The following TMEM132D variants were observed in gnomAD, a reference collection of about 807,000 sequenced individuals.
TMEM132D encodes mature OL transmembrane protein.
A neutral mutation model predicts 62.3 loss-of-function variants in TMEM132D; 21 were observed. The ratio of observed to expected loss-of-function variants is 0.34; its 90% CI spans 0.24 to 0.49. TMEM132D has a LOEUF of 0.49. Among genes scored for constraint, TMEM132D ranks in the 20% least tolerant of loss-of-function variants. The probability of loss-of-function intolerance (pLI) is 0.99; values close to 1 mark genes in which losing one functional copy is unlikely to be tolerated. For missense variants in TMEM132D, 1,346 were observed against 1,402.8 expected, an observed-to-expected ratio of 0.96 and a Z score of 0.65; for synonymous variants, 621 against 575.6, an observed-to-expected ratio of 1.08 and a Z score of -1.13.
rs116087095 is a variant in TMEM132D, at chr12:129,395,539, G to T, written c.1116-57722C>A. ...GCAACGTTTTATCCTAGTGAAAAAG[G>T]GATAACAACAAAAATGTCCAGACAG... On this transcript the variant is annotated intron_variant, in intron 3 of 8. Transcript: ENST00000422113. Among the ~76,000 whole-genome samples, 350 of 151,978 alleles carry T rather than the reference G, an allele frequency of 2.3e-3. 5 individuals carry two copies. The highest frequency in any genetic ancestry group is 8.3e-3 in the African/African-American group (344 of 41,464).
At chr12:129,095,396 C>CTGGAG (rs1875079430) in intron 5 of TMEM132D, among the ~76,000 whole-genome samples, 1 of 130,208 alleles carries the variant, frequency 7.7e-6, no homozygotes, top group African/African-American at 3.0e-5. Context: ...GTCACCCAGG[C>CTGGAG]TGGAGTGGAG....
chr12:129,647,674 T>C (rs778011314), intron 2 of TMEM132D, among the ~76,000 whole-genome samples: 4 of 152,228 alleles, frequency 2.6e-5, no homozygotes, highest in Non-Finnish European at 5.9e-5. Context: ...ACTGGAGACA[T>C]TGAGCATTGT....
chr12:129,473,317 A>C (rs1400847380), intron 3 of TMEM132D, among the ~76,000 whole-genome samples: 24 of 67,744 alleles, frequency 3.5e-4, no homozygotes, highest in African/African-American at 1.0e-3. Flanking sequence ...AAGTGATTTT[A>C]GTTTTTGTTT....
chr12:129,318,657 T>C (rs578187933), intron 4 of TMEM132D, among the ~76,000 whole-genome samples: 239 of 152,186 alleles, frequency 1.6e-3, no homozygotes, highest in African/African-American at 5.3e-3. Flanking sequence ...GGACCAGCAG[T>C]GGGCGGGACC....
At chr12:129,258,120 C>G (rs1406626270) in intron 4 of TMEM132D, among the ~76,000 whole-genome samples, 2 of 152,200 alleles carry the variant, frequency 1.3e-5, no homozygotes, top group African/African-American at 2.4e-5. Context: ...TTATTTGACT[C>G]TAATCCTTTC....
intron 4 of TMEM132D, among the ~76,000 whole-genome samples, chr12:129,317,736 T>G (rs1398812036): frequency 6.6e-6 from 1 of 152,210 alleles, no homozygotes; most frequent in Non-Finnish European, 1.5e-5. Flanking sequence ...CCAAATACGT[T>G]TTCCAAGCTT....
At chr12:129,446,628 G>A (rs10773661) in intron 3 of TMEM132D, among the ~76,000 whole-genome samples, 56,368 of 152,036 alleles carry the variant, frequency 0.37, 10,901 homozygotes, top group East Asian at 0.61. Context: ...CCTACCTCCT[G>A]AGCAGAGATG....
At chr12:129,297,496 C>A (rs1187807985) in intron 4 of TMEM132D, among the ~76,000 whole-genome samples, 1 of 152,252 alleles carries the variant, frequency 6.6e-6, no homozygotes, top group African/African-American at 2.4e-5. Flanking sequence ...GAACCAGGAC[C>A]AGAAAGGGAT....
chr12:129,304,333 C>T (rs894815132), intron 4 of TMEM132D, among the ~76,000 whole-genome samples: 1 of 152,108 alleles, frequency 6.6e-6, no homozygotes, highest in Non-Finnish European at 1.5e-5. Context: ...CTGAACAATC[C>T]CATATCCTAC....
At chr12:129,550,232 G>T (rs535072165) in intron 2 of TMEM132D, among the ~76,000 whole-genome samples, 2 of 33,338 alleles carry the variant, frequency 6.0e-5, no homozygotes, top group Non-Finnish European at 1.1e-4. Context: ...TTCCATACTG[G>T]TATTTTTTTT....
chr12:129,079,130 GCCTT>G (rs1874372370), intron 7 of TMEM132D, among the ~76,000 whole-genome samples: 2 of 151,954 alleles, frequency 1.3e-5, no homozygotes, highest in South Asian at 4.2e-4. Flanking sequence ...TTTTTCAAAA[GCCTT>G]CCTATCACCA....
intron 5 of TMEM132D, among the ~76,000 whole-genome samples, chr12:129,152,739 T>C (rs1456670492): frequency 3.9e-5 from 6 of 152,166 alleles, no homozygotes; most frequent in Admixed American, 3.9e-4. Flanking sequence ...TGCCTGACAT[T>C]GTTGGTCATT....
rs1046437479 is a variant in TMEM132D, at chr12:129,110,381, C to A, written c.1444-25679G>T. 1.4e-4 allele frequency: 21 copies of A among 152,178 alleles called. 1 individual carries two copies. Among genetic ancestry groups the A allele is most frequent in the African/African-American group, 4.1e-4 (17 of 41,440 alleles). 9.4% of individuals were successfully genotyped at this position (152,178 alleles called of 1,614,324 possible). On this transcript the variant is annotated intron_variant, in intron 5 of 8. Transcript: ENST00000422113. ...TTGAGAAAGTTCCCTGTTAGAGATTCATTCCTTTGGACCATGAAGCCTTTT... is the reference window on the plus strand; with the variant it reads ...TTGAGAAAGTTCCCTGTTAGAGATTAATTCCTTTGGACCATGAAGCCTTTT...
intron 3 of TMEM132D, among the ~76,000 whole-genome samples, chr12:129,466,049 T>C (rs1306784072): frequency 6.6e-6 from 1 of 152,170 alleles, no homozygotes; most frequent in Non-Finnish European, 1.5e-5. Context: ...GTAAAGGGTG[T>C]TTGAGACAAT....
At position 129,074,870 on chromosome 12, in the gene TMEM132D, C is replaced by T. The variant is rs760598148; in HGVS notation, c.2305G>A (p.Val769Met). ...ETEGQGTLVKVEMVISESCQK... is the reference protein window; with the variant it reads ...ETEGQGTLVKMEMVISESCQK... ...CAGGATTCACTAATAACCATTTCCACCTTGACCAGGGTGCCTTGTCCTTCT... is the reference window on the plus strand; with the variant it reads ...CAGGATTCACTAATAACCATTTCCATCTTGACCAGGGTGCCTTGTCCTTCT... The change falls in exon 9 of 9, where the codon GTG (valine) becomes ATG (methionine). Residue 769 changes from valine to methionine, a missense_variant. By Grantham distance (21) the Val-to-Met change is conservative. Transcript: ENST00000422113. 1.2e-6 allele frequency: 2 copies of T among 1,614,046 alleles called. No homozygotes were observed. Among genetic ancestry groups the T allele is most frequent in the African/African-American group, 1.3e-5 (1 of 74,990 alleles).
chr12:129,482,945 C>CTGTGTGTGTGTG (rs59346043), intron 3 of TMEM132D, among the ~76,000 whole-genome samples: 1 of 144,182 alleles, frequency 6.9e-6, no homozygotes, highest in Non-Finnish European at 1.5e-5. Context: ...CATATTTAAT[C>CTGTGTGTGTGTG]TGTGTGTGTG....
chr12:129,341,903 C>A (rs1044796657), intron 3 of TMEM132D, among the ~76,000 whole-genome samples: 1 of 152,046 alleles, frequency 6.6e-6, no homozygotes, highest in Non-Finnish European at 1.5e-5. Flanking sequence ...GAACTATAAA[C>A]CACTGCTCAA....
intron 4 of TMEM132D, among the ~76,000 whole-genome samples, chr12:129,273,663 T>A (rs1167905197): frequency 6.6e-6 from 1 of 151,788 alleles, no homozygotes; most frequent in Non-Finnish European, 1.5e-5. Flanking sequence ...AATTAATGCA[T>A]GAACGAAAAA....
At chr12:129,507,091 C>T (rs1190301549) in intron 3 of TMEM132D, among the ~76,000 whole-genome samples, 1 of 151,902 alleles carries the variant, frequency 6.6e-6, no homozygotes, top group Non-Finnish European at 1.5e-5. Flanking sequence ...AGATGGCCAA[C>T]AAACATATGA....
Sources: gnomAD v4.1 joint callset for allele counts (sites outside exome capture counted in the v4.1 genomes callset) on GRCh38, gnomAD v4.1.1 for gene constraint, MANE v1.5 for transcripts, NCBI Gene and HGNC (gene_info 2026-07-23, HGNC 2026-07-21) for gene names.